The following XRN1 variants were observed in gnomAD, a reference collection of about 807,000 sequenced individuals.
The protein encoded by XRN1 is 5'-3' exoribonuclease 1.
XRN1 carries 67 observed loss-of-function variants against 222.3 expected under a neutral mutation model. The ratio of observed to expected loss-of-function variants is 0.30; its 90% CI spans 0.25 to 0.37. The LOEUF (loss-of-function observed/expected upper bound fraction) is 0.37, where lower values mean the gene tolerates loss of function less well. Ranked by LOEUF, XRN1 falls within the 10% of genes least tolerant of loss-of-function variation. The pLI is 1.00. For missense variants in XRN1, 1,707 were observed against 2,000.2 expected (o/e 0.85, Z 2.80); for synonymous variants, 643 against 652.4 (o/e 0.99, Z 0.22).
At position 142,372,242 on chromosome 3, in the gene XRN1, G is replaced by A. The variant is rs113748170; in HGVS notation, c.2979-914C>T. Among the ~76,000 whole-genome samples, 781 of 152,270 alleles carry A rather than the reference G, an allele frequency of 5.1e-3. 9 individuals are homozygous for A. Among genetic ancestry groups the A allele is most frequent in the African/African-American group, 0.018 (760 of 41,556 alleles). ...GGACTTAGGGGTGAGGAAGGCATAA[G>A]GAGGAGAGGACAGGTGTTATACTGA... On this transcript the variant is annotated intron_variant, in intron 25 of 40. Coordinates refer to ENST00000392981, the MANE Select transcript of XRN1 (RefSeq NM_001282857.2).
At chr3:142,390,663 C>G (rs2067680092) in intron 20 of XRN1, among the ~76,000 whole-genome samples, 1 of 152,170 alleles carries the variant, frequency 6.6e-6, no homozygotes, top group Non-Finnish European at 1.5e-5. Flanking sequence ...GTTTAATTTG[C>G]TTATCATTGG....
At chr3:142,334,699 A>G (rs937154648) in intron 34 of XRN1, among the ~76,000 whole-genome samples, 2 of 151,724 alleles carry the variant, frequency 1.3e-5, no homozygotes, top group East Asian at 1.9e-4. Flanking sequence ...GACCATATAT[A>G]TATGTCTATG....
In XRN1 at chr3:142,356,903, G is replaced by C. The variant is rs1288710027; in HGVS notation, c.3672+9C>G. 1.9e-6 allele frequency: 3 copies of C among 1,611,002 alleles called. No homozygotes were observed. Among genetic ancestry groups the C allele is most frequent in the East Asian group, 2.2e-5 (1 of 44,834 alleles). ...GGGTAGAGGAGAAGTTAAAGACTGA[G>C]AGTCTTACTTGAGTAGGAACAAAAA... On this transcript the variant is annotated intron_variant, in intron 31 of 40. Transcript: ENST00000392981.
At chr3:142,339,491 G>A (rs1268404401) in intron 33 of XRN1, among the ~76,000 whole-genome samples, 2 of 152,170 alleles carry the variant, frequency 1.3e-5, no homozygotes, top group Non-Finnish European at 2.9e-5. Flanking sequence ...AAGACTACGA[G>A]ATGTATCTAA....
chr3:142,402,445 A>G (rs1365383269), intron 18 of XRN1, among the ~76,000 whole-genome samples: 1 of 152,138 alleles, frequency 6.6e-6, no homozygotes, highest in Non-Finnish European at 1.5e-5. Context: ...AGCCTCCAAA[A>G]GTGCTGGGAT....
chr3:142,348,918 G>A (rs375857380), intron 32 of XRN1, among the ~76,000 whole-genome samples: 3 of 152,204 alleles, frequency 2.0e-5, no homozygotes, highest in East Asian at 1.9e-4. Context: ...GGGATTACAG[G>A]CATGAGCCAC....
chr3:142,333,494 C>T (rs1017876178), intron 34 of XRN1, among the ~76,000 whole-genome samples: 1 of 152,094 alleles, frequency 6.6e-6, no homozygotes, highest in African/African-American at 2.4e-5. Context: ...GGCCTATAAA[C>T]TTGGATGGGG....
intron 15 of XRN1, among the ~76,000 whole-genome samples, chr3:142,410,367 C>A (rs992057634): frequency 2.0e-5 from 3 of 151,710 alleles, no homozygotes; most frequent in Non-Finnish European, 4.4e-5. Flanking sequence ...GGAAAAAAAA[C>A]TGGATGTTGA....
At chr3:142,381,382 T>C (rs1399838383) in intron 22 of XRN1, among the ~76,000 whole-genome samples, 1 of 152,156 alleles carries the variant, frequency 6.6e-6, no homozygotes, top group Non-Finnish European at 1.5e-5. Context: ...CTACCATCTA[T>C]ATTCCAATTT....
chr3:142,435,762 CAAA>C (rs1176485060), intron 1 of XRN1, among the ~76,000 whole-genome samples: 1 of 58,514 alleles, frequency 1.7e-5, no homozygotes, highest in Non-Finnish European at 3.5e-5. Flanking sequence ...CCCCACCCCC[CAAA>C]AAAAAAAAAA....
intron 12 of XRN1, chr3:142,417,863 T>C (rs2068844962): frequency 6.6e-6 from 1 of 152,244 alleles, no homozygotes; most frequent in Non-Finnish European, 1.5e-5. Context: ...AGTTTTTTAA[T>C]ATGAAAAATA....
At chr3:142,424,944 T>TA (rs911165382) in intron 5 of XRN1, among the ~76,000 whole-genome samples, 3 of 151,936 alleles carry the variant, frequency 2.0e-5, no homozygotes, top group Non-Finnish European at 4.4e-5. Context: ...AGCCTGAGGG[T>TA]AAAAAAGCAG....
intron 9 of XRN1, 90 bp from the exon 10 acceptor site, chr3:142,421,243 G>T: frequency 2.4e-6 from 3 of 1,253,216 alleles, no homozygotes; most frequent in Non-Finnish European, 3.2e-6. Flanking sequence ...TACTACTGGG[G>T]TATAGGAAAT....
At chr3:142,362,073 A>T (rs2066655712) in intron 29 of XRN1, among the ~76,000 whole-genome samples, 2 of 143,884 alleles carry the variant, frequency 1.4e-5, no homozygotes, top group Admixed American at 7.4e-5. Flanking sequence ...TGTTCAAGAG[A>T]TTCTCCTGCC....
intron 2 of XRN1, among the ~76,000 whole-genome samples, chr3:142,427,987 T>G (rs1249175370): frequency 6.6e-6 from 1 of 152,240 alleles, no homozygotes; most frequent in Non-Finnish European, 1.5e-5. Context: ...GATATCAACT[T>G]GTTTGTATTA....
chr3:142,360,683 T>C (rs1433037736), intron 29 of XRN1, among the ~76,000 whole-genome samples: 2 of 151,026 alleles, frequency 1.3e-5, no homozygotes, highest in African/African-American at 4.9e-5. Flanking sequence ...GCTAACACAG[T>C]GAAACCCCGT....
At chr3:142,430,254 C>A (rs2069464638) in intron 2 of XRN1, among the ~76,000 whole-genome samples, 1 of 152,116 alleles carries the variant, frequency 6.6e-6, no homozygotes, top group South Asian at 2.1e-4. Context: ...TTTATAAACA[C>A]CCAATTCCCT....
chr3:142,426,867 C>T (rs767632320), intron 2 of XRN1, 26 bp from the exon 3 acceptor site: 4 of 1,589,848 alleles, frequency 2.5e-6, no homozygotes, highest in Admixed American at 1.7e-5. Context: ...AAAAAAGTAC[C>T]TTAAGTTTTC....
At chr3:142,347,561 T>C (rs994543356) in intron 32 of XRN1, among the ~76,000 whole-genome samples, 2 of 152,136 alleles carry the variant, frequency 1.3e-5, no homozygotes, top group Non-Finnish European at 2.9e-5. Context: ...TGCATTAGTT[T>C]GCAAGATATA....
Sources: gnomAD v4.1 joint callset for allele counts (sites outside exome capture counted in the v4.1 genomes callset) on GRCh38, gnomAD v4.1.1 for gene constraint, MANE v1.5 for transcripts, NCBI Gene and HGNC (gene_info 2026-07-23, HGNC 2026-07-21) for gene names.